The following RBBP5 variants were observed in gnomAD, a reference collection of about 807,000 sequenced individuals.
The protein encoded by RBBP5 is retinoblastoma-binding protein 5.
A neutral mutation model predicts 72.2 loss-of-function variants in RBBP5; 5 were observed. That is an observed-to-expected ratio of 0.07 (90% CI 0.04 to 0.15). The LOEUF is 0.15. Ranked by LOEUF, RBBP5 falls within the 10% of genes least tolerant of loss-of-function variation. RBBP5 has a pLI of 1.00. For synonymous variants in RBBP5, 209 were observed against 237.2 expected, an observed-to-expected ratio of 0.88 and a Z score of 1.09; for missense variants, 322 against 652.2, an observed-to-expected ratio of 0.49 and a Z score of 5.51.
At chr1:205,109,419 A>G (rs1176735953) in intron 3 of RBBP5, among the ~76,000 whole-genome samples, 2 of 152,188 alleles carry the variant, frequency 1.3e-5, no homozygotes, top group Non-Finnish European at 2.9e-5. Context: ...ATAGAAGTCT[A>G]CTGGGAATGG....
chr1:205,093,387 A>ATCCT (rs945680590), intron 13 of RBBP5, among the ~76,000 whole-genome samples: 1 of 145,220 alleles, frequency 6.9e-6, no homozygotes, highest in African/African-American at 2.6e-5. Flanking sequence ...TTGAACCAGG[A>ATCCT]GGCAGAGGTT....
At chr1:205,108,257 TTAC>T (rs1187436017) in intron 3 of RBBP5, among the ~76,000 whole-genome samples, 1 of 146,670 alleles carries the variant, frequency 6.8e-6, no homozygotes, top group Non-Finnish European at 1.5e-5. Flanking sequence ...AAAAAAAAAA[TTAC>T]TTTTTCTCTT....
rs1324942687 is a variant in RBBP5, at chr1:205,100,669, T to C, written c.633-398A>G. Among the ~76,000 whole-genome samples the C allele has an allele frequency of 3.9e-5, 6 of 151,914 alleles. No individual in the cohort carries two copies. In the East Asian group the frequency reaches 9.6e-4, roughly 24 times the overall value. ...AAATGTCATTTTTACTGTAATGACA[T>C]TGAAAATCTTAGAAATCTGTATGAA... On this transcript the variant is annotated intron_variant, in intron 6 of 13. Transcript: ENST00000264515.
Position 205,100,152 on chromosome 1 carries a change from C to G in RBBP5, c.752G>C (p.Arg251Thr), listed in dbSNP as rs1655762654. The G allele has an allele frequency of 6.2e-7, 1 of 1,614,060 alleles. No homozygotes were observed. The highest frequency in any genetic ancestry group is 8.5e-7 in the Non-Finnish European group (1 of 1,180,034). ...PMQKLQDLVN[R>T]TPWKKCCFSG... is the part of the protein sequence containing the mutation. ...TATTCTTCTAGGTTGTGATACATACCTATTCACCAAATCCTGCAATTTCTG... is the reference window on the plus strand; with the variant it reads ...TATTCTTCTAGGTTGTGATACATACGTATTCACCAAATCCTGCAATTTCTG... The change falls in exon 7 of 14, where the codon AGG becomes ACG. Residue 251 changes from arginine to threonine, a missense_variant and splice_region_variant. By Grantham distance (71) the Arg-to-Thr change is moderately conservative (BLOSUM62 -1). Coordinates refer to ENST00000264515, the MANE Select transcript of RBBP5 (RefSeq NM_005057.4).
chr1:205,101,232 A>G (rs188230944), intron 6 of RBBP5, among the ~76,000 whole-genome samples: 39 of 152,362 alleles, frequency 2.6e-4, no homozygotes, highest in African/African-American at 8.9e-4. Context: ...CTACCAGAAT[A>G]ACATCCAAAA....
intron 1 of RBBP5, 172 bp from the exon 2 acceptor site, chr1:205,116,055 T>C: frequency 5.2e-6 from 7 of 1,347,698 alleles, no homozygotes; most frequent in Non-Finnish European, 7.2e-6. Context: ...ATGACTTGTT[T>C]ACTCTCATTA....
intron 13 of RBBP5, chr1:205,091,779 G>A (rs551611628): frequency 6.6e-6 from 1 of 152,322 alleles, no homozygotes; most frequent in Admixed American, 6.5e-5. Context: ...AAATGCTGAA[G>A]TTGTCCATGG....
intron 3 of RBBP5, among the ~76,000 whole-genome samples, chr1:205,108,041 G>A (rs1393113754): frequency 2.0e-5 from 3 of 151,092 alleles, no homozygotes; most frequent in African/African-American, 2.4e-5. Flanking sequence ...TCAAGAGATC[G>A]AGACCATCCT....
intron 11 of RBBP5, 47 bp downstream of exon 11, chr1:205,097,279 C>G (rs1655654016): frequency 6.6e-7 from 1 of 1,526,490 alleles, no homozygotes; most frequent in Admixed American, 2.0e-5. Context: ...CCCCCAGAGG[C>G]CAGGAGCAGC....
intron 1 of RBBP5, among the ~76,000 whole-genome samples, chr1:205,117,671 TAATAAA>T (rs869123996): frequency 1.3e-4 from 19 of 151,508 alleles, no homozygotes; most frequent in South Asian, 6.3e-4. Flanking sequence ...AAAAAAAGAA[TAATAAA>T]AATAAAAATA....
intron 13 of RBBP5, chr1:205,091,314 T>C (rs752182909): frequency 6.6e-6 from 1 of 152,302 alleles, no homozygotes; most frequent in East Asian, 1.9e-4. Flanking sequence ...CTCAGGACTG[T>C]CCTCTGGAGA....
At chr1:205,108,678 C>T (rs568197646) in intron 3 of RBBP5, among the ~76,000 whole-genome samples, 1 of 152,288 alleles carries the variant, frequency 6.6e-6, no homozygotes, top group South Asian at 2.1e-4. Context: ...AGAGGAGGTG[C>T]TATTGAGAAA....
At chr1:205,119,754 G>A (rs1656665783) in intron 1 of RBBP5, among the ~76,000 whole-genome samples, 1 of 152,172 alleles carries the variant, frequency 6.6e-6, no homozygotes, top group African/African-American at 2.4e-5. Flanking sequence ...ATACATGGAA[G>A]GCACTTGAAA....
At chr1:205,112,180 T>C (rs1281349921) in intron 3 of RBBP5, among the ~76,000 whole-genome samples, 2 of 152,008 alleles carry the variant, frequency 1.3e-5, no homozygotes, top group African/African-American at 4.8e-5. Flanking sequence ...CAGCCGGTCA[T>C]GGTGGTGTGC....
chr1:205,108,633 C>T (rs1656176857), intron 3 of RBBP5, among the ~76,000 whole-genome samples: 2 of 152,156 alleles, frequency 1.3e-5, no homozygotes, highest in South Asian at 4.1e-4. Flanking sequence ...AAAAAAGTAA[C>T]CCAAAACCGA....
rs1435569695 is a variant in RBBP5 at position 205,094,972 on chromosome 1, A to T, written c.1489T>A (p.Ser497Thr). The T allele has an allele frequency of 8.7e-6, 14 of 1,613,944 alleles. No homozygotes were observed. The highest frequency in any genetic ancestry group is 1.0e-5 in the Non-Finnish European group (12 of 1,179,990). ...PKGSKGKEKD[S>T]PFKPKLYKGD... ...TTGTAGAGTTTCGGTTTAAATGGAG[A>T]ATCTTTCTCTTTACCTTTTGATCCT... The change falls in exon 13 of 14, where the codon TCT becomes ACT. Residue 497 changes from serine to threonine, a missense_variant. Ser to Thr is a moderately conservative substitution (Grantham distance 58, BLOSUM62 1). This residue lies in a region of RBBP5 where 109 missense variants were observed against 146.3 expected (regional missense o/e 0.75). Transcript: ENST00000264515.
chr1:205,120,172 C>T lies in RBBP5; in HGVS notation c.19+1683G>A, dbSNP rs1345727874. The stretch of plus-strand genomic sequence containing the variant: ...TTTCTATTTCCTAGCTCAGGCCTTC[C>T]TCATCACTCATATAATCTACCCCTC... On this transcript the variant is annotated intron_variant, in intron 1 of 13. Transcript: ENST00000264515. Among the ~76,000 whole-genome samples the T allele has an allele frequency of 2.0e-5, 3 of 152,122 alleles. No individual in the cohort carries two copies. The East Asian group carries it at 5.8e-4, about 29-fold the overall frequency.
chr1:205,113,017 C>T (rs971041517), intron 3 of RBBP5, among the ~76,000 whole-genome samples: 1 of 151,900 alleles, frequency 6.6e-6, no homozygotes. Flanking sequence ...CCTAGCTACG[C>T]GGGAGGATCA....
chr1:205,089,598 C>T (rs1302809132), intron 13 of RBBP5, among the ~76,000 whole-genome samples: 1 of 152,074 alleles, frequency 6.6e-6, no homozygotes, highest in Non-Finnish European at 1.5e-5. Flanking sequence ...AAGAAAAGTA[C>T]CCATTTATAT....
Sources: allele counts gnomAD v4.1 joint callset (sites outside exome capture counted in the v4.1 genomes callset), GRCh38; gene constraint gnomAD v4.1.1; regional missense constraint gnomAD v4.1.1; transcripts MANE v1.5; gene names NCBI Gene and HGNC (gene_info 2026-07-23, HGNC 2026-07-21).